The following WDR72 variants were observed in gnomAD, a reference collection of about 807,000 sequenced individuals.
WDR72 encodes the protein WD repeat domain 72.
A neutral mutation model predicts 124.2 loss-of-function variants in WDR72; 120 were observed. That is an observed-to-expected ratio of 0.97 (90% CI 0.83 to 1.12). WDR72 has a LOEUF of 1.12. WDR72 is among the 50% of genes most tolerant of loss of function. The pLI is 0.00. For synonymous variants in WDR72, 452 were observed against 441.7 expected, an observed-to-expected ratio of 1.02 and a Z score of -0.29; for missense variants, 1,387 against 1,278.8, an observed-to-expected ratio of 1.08 and a Z score of -1.29.
Position 53,635,925 on chromosome 15 carries a change from C to G in WDR72, c.1963-19682G>C, listed in dbSNP as rs1241078764. On this transcript the variant is annotated intron_variant, in intron 14 of 19. Coordinates refer to ENST00000360509, the MANE Select transcript of WDR72 (RefSeq NM_182758.4). Reference sequence around the variant, plus strand: ...GGTTAAAGGGACTTTAGTGAGACAGCCTAGAAACCAAGTACCCTTTATACC... The same window carrying G: ...GGTTAAAGGGACTTTAGTGAGACAGGCTAGAAACCAAGTACCCTTTATACC... Among the ~76,000 whole-genome samples the G allele has an allele frequency of 2.0e-5, 3 of 152,032 alleles. No homozygotes were observed. In the East Asian group the frequency reaches 5.8e-4, roughly 29 times the overall value.
At chr15:53,557,064 A>G in intron 18 of WDR72, among the ~76,000 whole-genome samples, 1 of 152,110 alleles carries the variant, frequency 6.6e-6, no homozygotes, top group Non-Finnish European at 1.5e-5. Flanking sequence ...AAACAATAGT[A>G]CTGCCAAGGT....
intron 14 of WDR72, among the ~76,000 whole-genome samples, chr15:53,656,613 G>A (rs537652812): frequency 5.3e-5 from 8 of 152,170 alleles, no homozygotes; most frequent in African/African-American, 1.9e-4. Context: ...CAGTCAATAA[G>A]TGGTATTACC....
At chr15:53,599,925 T>A (rs2012966559) in intron 17 of WDR72, among the ~76,000 whole-genome samples, 2 of 152,016 alleles carry the variant, frequency 1.3e-5, no homozygotes, top group South Asian at 4.2e-4. Flanking sequence ...ACGAATATCA[T>A]CAAAAACAAG....
chr15:53,710,763 T>C (rs2017509525), intron 9 of WDR72, 94 bp downstream of exon 9: 2 of 1,075,310 alleles, frequency 1.9e-6, no homozygotes, highest in Non-Finnish European at 2.8e-6. Context: ...TTCAATTCAA[T>C]TTTTTCAAGC....
intron 18 of WDR72, among the ~76,000 whole-genome samples, chr15:53,582,466 C>A (rs1161076040): frequency 2.0e-5 from 3 of 151,762 alleles, no homozygotes; most frequent in African/African-American, 7.3e-5. Context: ...AAAATACACA[C>A]CAAATCTGAT....
chr15:53,742,694 G>C (rs1404314314), intron 1 of WDR72, among the ~76,000 whole-genome samples: 1 of 152,118 alleles, frequency 6.6e-6, no homozygotes, highest in Non-Finnish European at 1.5e-5. Flanking sequence ...GATAAAGTTA[G>C]AGACTATATT....
At chr15:53,640,347 C>T (rs563243538) in intron 14 of WDR72, among the ~76,000 whole-genome samples, 1 of 152,258 alleles carries the variant, frequency 6.6e-6, no homozygotes, top group African/African-American at 2.4e-5. Flanking sequence ...GTTAGGATGC[C>T]TCCACTCTTG....
chr15:53,615,551 T>C lies in WDR72; in HGVS notation c.2655A>G (p.Pro885=). 6.2e-7 allele frequency: 1 copy of C among 1,613,050 alleles called. No individual in the cohort carries two copies. The highest frequency in any genetic ancestry group is 1.1e-5 in the South Asian group (1 of 91,054). The part of the protein sequence containing the change: ...TATLPNQVGI[P]RGLENNCDSL... ...AATCACAATTATTTTCCAATCCTCT[T>C]GGAATTCCAACCTGATTTGGAAGAG... The change falls in exon 15 of 20, where the codon CCA becomes CCG. Residue 885 remains proline (P), a synonymous_variant. Transcript: ENST00000360509.
chr15:53,749,677 C>T (rs909867496), intron 1 of WDR72, among the ~76,000 whole-genome samples: 14 of 152,082 alleles, frequency 9.2e-5, no homozygotes, highest in African/African-American at 3.4e-4. Flanking sequence ...GCCTTTTGCA[C>T]CAAACCATTA....
At chr15:53,594,685 A>C (rs72745165) in intron 18 of WDR72, among the ~76,000 whole-genome samples, 1 of 150,834 alleles carries the variant, frequency 6.6e-6, no homozygotes, top group Non-Finnish European at 1.5e-5. Context: ...CCAGCTACTC[A>C]AGAAGCTGAC....
chr15:53,639,585 A>ATTTTATTTATTTAT (rs1595812708), intron 14 of WDR72, among the ~76,000 whole-genome samples: 3 of 69,776 alleles, frequency 4.3e-5, no homozygotes, highest in Admixed American at 1.7e-4. Flanking sequence ...TATAAATTAA[A>ATTTTATTTATTTAT]AATTATATAA....
At chr15:53,625,108 A>G (rs2140383823) in intron 14 of WDR72, among the ~76,000 whole-genome samples, 1 of 152,384 alleles carries the variant, frequency 6.6e-6, no homozygotes, top group South Asian at 2.1e-4. Context: ...ATGATAAAAT[A>G]TATCTAAAAC....
At chr15:53,758,100 G>A (rs2018961994) in intron 1 of WDR72, among the ~76,000 whole-genome samples, 1 of 151,962 alleles carries the variant, frequency 6.6e-6, no homozygotes, top group South Asian at 2.1e-4. Context: ...CGACCTCTCA[G>A]GCTCAAGTCA....
chr15:53,751,799 G>A (rs943859176), intron 1 of WDR72, among the ~76,000 whole-genome samples: 4 of 152,152 alleles, frequency 2.6e-5, no homozygotes, highest in African/African-American at 7.2e-5. Context: ...TCCAGTCAGT[G>A]AGCCTGGATT....
In WDR72 at chr15:53,609,514, T is replaced by C. The variant is rs746882883; in HGVS notation, c.2951A>G (p.Gln984Arg). The C allele has an allele frequency of 5.6e-6, 9 of 1,613,058 alleles. No individual in the cohort carries two copies. In the South Asian group the frequency reaches 7.7e-5, roughly 14 times the overall value. Residue 984 changes from glutamine (Q) to arginine (R), a missense_variant and splice_region_variant, in exon 17 of 20, where the codon CAG becomes CGG. Coordinates refer to ENST00000360509, the MANE Select transcript of WDR72 (RefSeq NM_182758.4). ...TCATGAATGTGAATTATATCATACC[T>C]GCACAGACTGGTCTCTCCAACAGGA... ...LISCWRDQSVQVTEAIQAVLL... is the reference protein window; with the variant it reads ...LISCWRDQSVRVTEAIQAVLL...
chr15:53,520,502 A>C (rs1455713076), intron 19 of WDR72, among the ~76,000 whole-genome samples: 1 of 152,092 alleles, frequency 6.6e-6, no homozygotes, highest in Non-Finnish European at 1.5e-5. Flanking sequence ...ACTCTTTTCC[A>C]TACAGTGACT....
intron 14 of WDR72, among the ~76,000 whole-genome samples, chr15:53,636,213 T>C (rs1440744399): frequency 6.6e-6 from 1 of 152,182 alleles, no homozygotes; most frequent in Non-Finnish European, 1.5e-5. Flanking sequence ...ATGTCCCAAT[T>C]AAGTCTGTTT....
chr15:53,707,901 T>C (rs1458979603), intron 9 of WDR72, among the ~76,000 whole-genome samples: 1 of 152,194 alleles, frequency 6.6e-6, no homozygotes, highest in Admixed American at 6.5e-5. Flanking sequence ...ACTCCCTGGT[T>C]ATTCTGATTT....
chr15:53,727,894 C>T (rs920087566), intron 2 of WDR72, among the ~76,000 whole-genome samples: 3 of 152,174 alleles, frequency 2.0e-5, no homozygotes, highest in Non-Finnish European at 4.4e-5. Flanking sequence ...TACAATCACA[C>T]TTAGTCACTG....
Sources: gnomAD v4.1 joint callset for allele counts (sites outside exome capture counted in the v4.1 genomes callset) on GRCh38, gnomAD v4.1.1 for gene constraint, MANE v1.5 for transcripts, NCBI Gene and HGNC (gene_info 2026-07-23, HGNC 2026-07-21) for gene names.